The following CADM2 variants were observed in gnomAD, a reference collection of about 807,000 sequenced individuals.
The protein encoded by CADM2 is immunoglobulin superfamily member 4D.
A neutral mutation model predicts 49.8 loss-of-function variants in CADM2; 12 were observed. That is an observed-to-expected ratio of 0.24 (90% CI 0.15 to 0.39). The LOEUF (loss-of-function observed/expected upper bound fraction) is 0.39. Among genes scored for constraint, CADM2 ranks in the 10% least tolerant of loss-of-function variants. The pLI, the probability that CADM2 is intolerant of heterozygous loss-of-function variation, is 1.00. For missense variants in CADM2, 378 were observed against 492.3 expected (o/e 0.77, Z 2.20); for synonymous variants, 214 against 175.4 (o/e 1.22, Z -1.74).
chr3:85,108,233 G>A (rs1283536211), intron 1 of CADM2, among the ~76,000 whole-genome samples: 1 of 152,038 alleles, frequency 6.6e-6, no homozygotes, highest in Non-Finnish European at 1.5e-5. Flanking sequence ...TTTAAAGCAG[G>A]CACACAAATA....
At chr3:85,626,099 T>C (rs2064123934) in intron 1 of CADM2, among the ~76,000 whole-genome samples, 1 of 152,046 alleles carries the variant, frequency 6.6e-6, no homozygotes, top group Non-Finnish European at 1.5e-5. Context: ...AAATTAGTAA[T>C]TTACTGATAA....
intron 1 of CADM2, among the ~76,000 whole-genome samples, chr3:85,301,892 A>G (rs2044110264): frequency 2.0e-5 from 3 of 152,076 alleles, no homozygotes; most frequent in African/African-American, 7.2e-5. Flanking sequence ...AGACTTCAGA[A>G]AAATTTTTAA....
intron 1 of CADM2, among the ~76,000 whole-genome samples, chr3:85,663,697 C>T (rs1054031041): frequency 1.3e-5 from 2 of 151,984 alleles, no homozygotes; most frequent in African/African-American, 4.8e-5. Context: ...TTTTCAACTT[C>T]CCACAGGATC....
chr3:85,233,070 G>T (rs574856068), intron 1 of CADM2, among the ~76,000 whole-genome samples: 1 of 152,226 alleles, frequency 6.6e-6, no homozygotes, highest in South Asian at 2.1e-4. Flanking sequence ...GAGGAAATTA[G>T]CTATGAAGCC....
intron 1 of CADM2, among the ~76,000 whole-genome samples, chr3:85,293,745 A>C (rs1233846157): frequency 6.7e-6 from 1 of 149,264 alleles, no homozygotes; most frequent in African/African-American, 2.5e-5. Context: ...GCAACCCTTC[A>C]TGCTAAAAAC....
At position 85,717,502 on chromosome 3, in the gene CADM2, G is replaced by T. The variant is rs531739520; in HGVS notation, c.62-9020G>T. ...CTTTATTTCTTTCTCTCCCCTGATTGCCCTGGCCAGAACTTCCAATACTAT... is the reference window on the plus strand; with the variant it reads ...CTTTATTTCTTTCTCTCCCCTGATTTCCCTGGCCAGAACTTCCAATACTAT... On this transcript the variant is annotated intron_variant, in intron 1 of 9. Coordinates refer to ENST00000383699, the MANE Select transcript of CADM2 (RefSeq NM_001167675.2). 2.6e-5 allele frequency among the ~76,000 whole-genome samples: 4 copies of T among 152,160 alleles called. No individual in the cohort carries two copies. In the South Asian group the frequency reaches 6.2e-4, roughly 24 times the overall value.
intron 8 of CADM2, among the ~76,000 whole-genome samples, chr3:86,032,600 C>T (rs1209954178): frequency 6.6e-6 from 1 of 151,832 alleles, no homozygotes; most frequent in East Asian, 1.9e-4. Context: ...ATTGACTTAA[C>T]TCTATACTTG....
chr3:85,427,760 G>A (rs372192056), intron 1 of CADM2, among the ~76,000 whole-genome samples: 14 of 152,118 alleles, frequency 9.2e-5, no homozygotes, highest in East Asian at 5.8e-4. Flanking sequence ...TTTTGAATCC[G>A]TTTAAATCTC....
chr3:85,737,042 T>G (rs571235792), intron 2 of CADM2, among the ~76,000 whole-genome samples: 1 of 152,212 alleles, frequency 6.6e-6, no homozygotes. Context: ...ATTTAAAACA[T>G]TTTGTTATTC....
At position 85,898,937 on chromosome 3, in the gene CADM2, G is replaced by GTGTGTATATATATATATA. The variant is rs796467067; in HGVS notation, c.529+12611_529+12612insGTGTATATATATATATAT. On this transcript the variant is annotated intron_variant, in intron 5 of 9. Transcript: ENST00000383699. The stretch of plus-strand genomic sequence containing the variant: ...TCATAAAATCCAATTCATTTATTGT[G>GTGTGTATATATATATATA]TATATATATATATATATATTTTTTT... Among the ~76,000 whole-genome samples the GTGTGTATATATATATATA allele has an allele frequency of 2.7e-3, 128 of 46,564 alleles. 1 individual carries two copies. The highest frequency in any genetic ancestry group is 0.015 in the Middle Eastern group (1 of 66). 30.5% of individuals were successfully genotyped at this position (46,564 alleles called of 152,430 possible).
intron 1 of CADM2, among the ~76,000 whole-genome samples, chr3:85,673,993 G>T (rs2065821125): frequency 6.6e-6 from 1 of 152,126 alleles, no homozygotes; most frequent in Non-Finnish European, 1.5e-5. Flanking sequence ...TATCTGGGCA[G>T]AATCCACTGT....
chr3:85,893,685 A>G (rs1026654571), intron 5 of CADM2, among the ~76,000 whole-genome samples: 4 of 152,244 alleles, frequency 2.6e-5, no homozygotes, highest in African/African-American at 9.6e-5. Flanking sequence ...AAGTGGGTGA[A>G]GGATATGAAC....
intron 3 of CADM2, among the ~76,000 whole-genome samples, chr3:85,877,485 A>G (rs776147730): frequency 4.6e-5 from 7 of 152,198 alleles, no homozygotes; most frequent in Non-Finnish European, 7.4e-5. Flanking sequence ...GTTAAATGAT[A>G]TGAATGGTCT....
rs1159969286 is a variant in CADM2, at chr3:85,515,631, A to ATATATATATATATTTT, written c.62-210890_62-210889insATATATATATATTTTT. Among the ~76,000 whole-genome samples, 10 of 118,404 alleles carry ATATATATATATATTTT rather than the reference A, an allele frequency of 8.4e-5. No homozygotes were observed. In the East Asian group the frequency reaches 1.9e-3, roughly 22 times the overall value. The allele number at this position is 118,404 out of a possible 152,430, so 77.7% of individuals were successfully genotyped here. A position where few individuals can be genotyped will look rare whatever the true frequency, so the allele number is the denominator to read the frequency against. On this transcript the variant is annotated intron_variant, in intron 1 of 9. Transcript: ENST00000383699. ...CACTAATATATATATATATATATATATTTTTTTTTTTTGTATCTTTAGTAG... is the reference window on the plus strand; with the variant it reads ...CACTAATATATATATATATATATATATATATATATATATTTTTTTTTTTTTTTTGTATCTTTAGTAG...
At chr3:85,687,436 G>C in intron 1 of CADM2, among the ~76,000 whole-genome samples, 1 of 151,952 alleles carries the variant, frequency 6.6e-6, no homozygotes, top group East Asian at 1.9e-4. Context: ...ATGATGAAAT[G>C]AAAGTAATTA....
rs1198174280 is a variant in CADM2, at chr3:85,000,121, T to TCTCTCTCTCTCTCTC, written c.61+40454_61+40468dup. ...ATATAGGTTGCTTCTACTTTCTCTC[T>TCTCTCTCTCTCTCTC]CTCTCTCTCTCTCTCTCTCTCTCTC... On this transcript the variant is annotated intron_variant, in intron 1 of 9. Coordinates refer to ENST00000383699, the MANE Select transcript of CADM2 (RefSeq NM_001167675.2). Among the ~76,000 whole-genome samples, 466 of 147,528 alleles carry TCTCTCTCTCTCTCTC rather than the reference T, an allele frequency of 3.2e-3. 4 individuals carry two copies. Among genetic ancestry groups the TCTCTCTCTCTCTCTC allele is most frequent in the African/African-American group, 0.011 (435 of 40,584 alleles).
intron 1 of CADM2, among the ~76,000 whole-genome samples, chr3:85,558,680 A>G (rs1426825888): frequency 4.6e-5 from 7 of 152,064 alleles, no homozygotes; most frequent in Non-Finnish European, 8.8e-5. Flanking sequence ...AACTTGAGTC[A>G]ATATTTCTTC....
chr3:85,804,396 G>T (rs1159463424), intron 3 of CADM2, among the ~76,000 whole-genome samples: 1 of 151,954 alleles, frequency 6.6e-6, no homozygotes, highest in Non-Finnish European at 1.5e-5. Flanking sequence ...TTGCTTATTA[G>T]CAGTTTTTGA....
At chr3:85,588,753 A>T (rs1362713151) in intron 1 of CADM2, among the ~76,000 whole-genome samples, 1 of 151,946 alleles carries the variant, frequency 6.6e-6, no homozygotes, top group Non-Finnish European at 1.5e-5. Context: ...CCAGTAAGAA[A>T]AGGCAAATGT....
Sources: allele counts gnomAD v4.1 joint callset (sites outside exome capture counted in the v4.1 genomes callset), GRCh38; gene constraint gnomAD v4.1.1; transcripts MANE v1.5; gene names NCBI Gene and HGNC (gene_info 2026-07-23, HGNC 2026-07-21).